The following FBLN7 variants were observed in gnomAD, a reference collection of about 807,000 sequenced individuals.
FBLN7 encodes the protein fibulin 7, also known as fibulin-7.
FBLN7 carries 31 observed loss-of-function variants against 44.0 expected under a neutral mutation model. The ratio of observed to expected loss-of-function variants is 0.70; its 90% CI spans 0.53 to 0.95. FBLN7 has a LOEUF of 0.95. Among genes scored for constraint, FBLN7 ranks in the 40% least tolerant of loss-of-function variants. The probability of loss-of-function intolerance (pLI) is 0.00; values close to 1 mark genes in which losing one functional copy is unlikely to be tolerated. For missense variants in FBLN7, 573 were observed against 618.5 expected (o/e 0.93, Z 0.78); for synonymous variants, 262 against 253.4 (o/e 1.03, Z -0.32).
At chr2:112,180,526 TAAAG>T (rs1237101372) in intron 4 of FBLN7, among the ~76,000 whole-genome samples, 1 of 152,074 alleles carries the variant, frequency 6.6e-6, no homozygotes, top group Non-Finnish European at 1.5e-5. Flanking sequence ...CATTCTACCA[TAAAG>T]ACACATGCAC....
At chr2:112,141,513 G>A (rs974096326) in intron 1 of FBLN7, among the ~76,000 whole-genome samples, 2 of 152,190 alleles carry the variant, frequency 1.3e-5, no homozygotes, top group African/African-American at 4.8e-5. Context: ...TAGTGAGGGG[G>A]CACCACAGGG....
chr2:112,175,203 C>A (rs567399829), intron 3 of FBLN7, among the ~76,000 whole-genome samples: 1 of 152,202 alleles, frequency 6.6e-6, no homozygotes, highest in Non-Finnish European at 1.5e-5. Context: ...TTTCCCCAAC[C>A]CTGGACATTC....
At chr2:112,186,074 C>A (rs1030238704) in intron 7 of FBLN7, among the ~76,000 whole-genome samples, 1 of 152,166 alleles carries the variant, frequency 6.6e-6, no homozygotes, top group African/African-American at 2.4e-5. Flanking sequence ...AACTTAGTGG[C>A]ACTGAAGCAT....
chr2:112,223,379 T>G, the FBLN7 span, among the ~76,000 whole-genome samples: 1,288 of 151,578 alleles, frequency 8.5e-3, 7 homozygotes, highest in Non-Finnish European at 0.012. Flanking sequence ...ACACAAACAA[T>G]CCTCAAGAAT....
At chr2:112,160,814 GCACA>G (rs766040366) in intron 2 of FBLN7, among the ~76,000 whole-genome samples, 1 of 137,046 alleles carries the variant, frequency 7.3e-6, no homozygotes, top group Non-Finnish European at 1.6e-5. Flanking sequence ...GCACACACAC[GCACA>G]CACAAGCACG....
chr2:112,206,367 T>C, the FBLN7 span, among the ~76,000 whole-genome samples: 1 of 152,236 alleles, frequency 6.6e-6, no homozygotes, highest in Non-Finnish European at 1.5e-5. Context: ...AAAGCTTTGG[T>C]TTCACTGATG....
intron 1 of FBLN7, among the ~76,000 whole-genome samples, chr2:112,157,681 T>C (rs1681502299): frequency 6.6e-6 from 1 of 152,194 alleles, no homozygotes; most frequent in African/African-American, 2.4e-5. Flanking sequence ...CTGAGTACAG[T>C]TGTGCAATCA....
the FBLN7 span, chr2:112,240,605 G>A: frequency 1.3e-5 from 2 of 152,118 alleles, no homozygotes; most frequent in African/African-American, 4.8e-5. Flanking sequence ...GTAATAATAC[G>A]TTGGACTTAC....
chr2:112,178,566 C>A (rs888503092), intron 4 of FBLN7, among the ~76,000 whole-genome samples: 6 of 152,144 alleles, frequency 3.9e-5, no homozygotes, highest in African/African-American at 7.2e-5. Context: ...AAATGTCAGG[C>A]CAATATCCTT....
chr2:112,201,395 C>G, the FBLN7 span, among the ~76,000 whole-genome samples: 1 of 152,254 alleles, frequency 6.6e-6, no homozygotes, highest in Non-Finnish European at 1.5e-5. Flanking sequence ...CAGTGTCTTC[C>G]CAGGTGAAGA....
At chr2:112,159,431 A>T (rs1681605593) in intron 1 of FBLN7, among the ~76,000 whole-genome samples, 1 of 152,092 alleles carries the variant, frequency 6.6e-6, no homozygotes, top group South Asian at 2.1e-4. Context: ...GGTTCAAATA[A>T]CTGTTCATCC....
intron 1 of FBLN7, among the ~76,000 whole-genome samples, chr2:112,146,913 G>A (rs1680925210): frequency 6.6e-6 from 1 of 152,142 alleles, no homozygotes; most frequent in Non-Finnish European, 1.5e-5. Context: ...TTTCAACATT[G>A]AGTATGGTTC....
the FBLN7 span, among the ~76,000 whole-genome samples, chr2:112,210,178 G>A: frequency 1.3e-5 from 2 of 151,994 alleles, no homozygotes; most frequent in Non-Finnish European, 2.9e-5. Context: ...AGAATGTGGT[G>A]GCAGGGGCAT....
chr2:112,212,212 T>C, the FBLN7 span: 1 of 152,242 alleles, frequency 6.6e-6, no homozygotes, highest in Non-Finnish European at 1.5e-5. Flanking sequence ...GGGCCTCTTT[T>C]ATAAGGGCAC....
At chr2:112,156,054 G>C (rs985185059) in intron 1 of FBLN7, among the ~76,000 whole-genome samples, 1 of 152,196 alleles carries the variant, frequency 6.6e-6, no homozygotes, top group East Asian at 1.9e-4. Context: ...GCAGCTGTTC[G>C]CCTGGCTGGA....
chr2:112,230,814 T>C, the FBLN7 span: 1 of 803,916 alleles, frequency 1.2e-6, no homozygotes, highest in Non-Finnish European at 1.7e-6. Flanking sequence ...AGAAAAATAC[T>C]TCTATTTGAG....
the FBLN7 span, among the ~76,000 whole-genome samples, chr2:112,240,952 AGTGTGTGTGTGTGTGT>A: frequency 2.1e-5 from 3 of 142,604 alleles, no homozygotes; most frequent in Non-Finnish European, 3.0e-5. Context: ...TACAGGTAAC[AGTGTGTGTGTGTGTGT>A]GTGTGTGTGT....
At chr2:112,143,968 G>C (rs1197536490) in intron 1 of FBLN7, among the ~76,000 whole-genome samples, 2 of 151,922 alleles carry the variant, frequency 1.3e-5, no homozygotes, top group African/African-American at 4.8e-5. Flanking sequence ...ATATGTGTTG[G>C]GCAGTGCTTG....
intron 1 of FBLN7, among the ~76,000 whole-genome samples, chr2:112,144,529 T>C (rs1023174303): frequency 1.0e-4 from 15 of 146,950 alleles, no homozygotes; most frequent in Non-Finnish European, 1.7e-4. Flanking sequence ...TTTTCTTTTT[T>C]TTTTTTTTTT....
Sources: allele counts gnomAD v4.1 joint callset (sites outside exome capture counted in the v4.1 genomes callset), GRCh38; gene constraint gnomAD v4.1.1; transcripts MANE v1.5; gene names NCBI Gene and HGNC (gene_info 2026-07-23, HGNC 2026-07-21).